The following MAP4 variants were observed in gnomAD, a reference collection of about 807,000 sequenced individuals.
The protein encoded by MAP4 is microtubule associated protein 4, also known as microtubule-associated protein 4.
In MAP4, 76 loss-of-function variants were observed where a neutral mutation model predicts 170.2. That is an observed-to-expected ratio of 0.45 (90% CI 0.37 to 0.54). The LOEUF is 0.54. Among genes scored for constraint, MAP4 ranks in the 20% least tolerant of loss-of-function variants. MAP4 has a pLI of 0.00. For synonymous variants in MAP4, 909 were observed against 994.5 expected, an observed-to-expected ratio of 0.91 and a Z score of 1.62; for missense variants, 2,506 against 2,748.0, an observed-to-expected ratio of 0.91 and a Z score of 1.97.
rs536796775 is a variant in MAP4, at chr3:47,856,056, C to A, written c.6584-696G>T. On this transcript the variant is annotated intron_variant, in intron 18 of 20. Coordinates refer to ENST00000683076, the MANE Select transcript of MAP4 (RefSeq NM_001385682.1). The stretch of plus-strand genomic sequence containing the variant: ...GGAGGGAAAGTGGTCTGAACTCACG[C>A]CCAGGGTTCAGAGCTCACTGGCCAG... 4.5e-4 allele frequency among the ~76,000 whole-genome samples: 68 copies of A among 152,280 alleles called. 1 individual carries two copies. Among genetic ancestry groups the A allele is most frequent in the Non-Finnish European group, 9.0e-4 (61 of 68,026 alleles).
chr3:48,014,988 T>C (rs1036902305), intron 1 of MAP4, among the ~76,000 whole-genome samples: 3 of 152,012 alleles, frequency 2.0e-5, no homozygotes, highest in African/African-American at 4.8e-5. Context: ...GATATAGATA[T>C]GGTATCAAAG....
intron 16 of MAP4, 30 bp from the exon 17 acceptor site, chr3:47,867,368 A>G: frequency 6.9e-7 from 1 of 1,449,588 alleles, no homozygotes; most frequent in Non-Finnish European, 9.7e-7. Flanking sequence ...AAAAAACAAC[A>G]CAAAGGGAGA....
At chr3:47,876,586 AT>A (rs1184795054) in intron 11 of MAP4, among the ~76,000 whole-genome samples, 18 of 152,066 alleles carry the variant, frequency 1.2e-4, no homozygotes, top group African/African-American at 4.1e-4. Flanking sequence ...TATTACCTGT[AT>A]TTTTTTTAAT....
chr3:47,884,457 T>C (rs569440091), intron 10 of MAP4, among the ~76,000 whole-genome samples: 14 of 152,352 alleles, frequency 9.2e-5, no homozygotes, highest in African/African-American at 3.4e-4. Flanking sequence ...TTTTGTACTT[T>C]AGCATGCAAT....
chr3:47,914,802 G>A lies in MAP4; in HGVS notation c.1999+15C>T, dbSNP rs1311033419. 1 of 1,613,782 alleles carries A rather than the reference G, an allele frequency of 6.2e-7. No homozygotes were observed. The highest frequency in any genetic ancestry group is 8.5e-7 in the Non-Finnish European group (1 of 1,179,954). On this transcript the variant is annotated intron_variant, in intron 8 of 20. Transcript: ENST00000683076. ...TAATTTGTTTCAAAGAGTTCATTTT[G>A]TTTTCCTAACTTACCTGAGGTCTCT...
In MAP4 at chr3:47,864,845, C is replaced by T. The variant is rs530449367; in HGVS notation, c.6501+2401G>A. 1.3e-3 allele frequency among the ~76,000 whole-genome samples: 204 copies of T among 152,250 alleles called. 1 individual carries two copies. Among genetic ancestry groups the T allele is most frequent in the African/African-American group, 4.8e-3 (198 of 41,552 alleles). ...TTACGCCACTGCACTCCAGGCTGGG[C>T]GACAGAGCAAGACTTTTTTTTGTAG... On this transcript the variant is annotated intron_variant, in intron 17 of 20. Transcript: ENST00000683076.
At chr3:48,066,685 T>C (rs1170670346) in intron 1 of MAP4, among the ~76,000 whole-genome samples, 14 of 152,018 alleles carry the variant, frequency 9.2e-5, no homozygotes, top group Non-Finnish European at 1.5e-5. Context: ...TCATTTTATA[T>C]ATGGGACCTT....
chr3:48,003,223 C>T (rs891732716), intron 1 of MAP4, among the ~76,000 whole-genome samples: 4 of 151,742 alleles, frequency 2.6e-5, no homozygotes, highest in African/African-American at 7.3e-5. Flanking sequence ...GGGAGGCTGA[C>T]GTAGGCAGAT....
At chr3:47,862,074 T>C (rs1460897224) in intron 17 of MAP4, among the ~76,000 whole-genome samples, 1 of 146,710 alleles carries the variant, frequency 6.8e-6, no homozygotes, top group Non-Finnish European at 1.5e-5. Flanking sequence ...GACAGGAGAA[T>C]CACTTGAATT....
intron 5 of MAP4, 76 bp downstream of exon 5, chr3:47,921,689 G>T: frequency 1.3e-6 from 1 of 777,220 alleles, no homozygotes; most frequent in Non-Finnish European, 2.3e-6. Context: ...CAGAGCCCTA[G>T]TCAGTGAACC....
intron 1 of MAP4, among the ~76,000 whole-genome samples, chr3:48,002,761 G>A (rs1398753361): frequency 1.2e-5 from 1 of 84,676 alleles, no homozygotes; most frequent in South Asian, 4.0e-4. Context: ...CATACTTGTG[G>A]TCCCAGTTAG....
At chr3:47,948,606 C>A (rs1192326211) in intron 3 of MAP4, among the ~76,000 whole-genome samples, 1 of 151,798 alleles carries the variant, frequency 6.6e-6, no homozygotes, top group Non-Finnish European at 1.5e-5. Flanking sequence ...GGGGTCAATC[C>A]ATGCTCTGGC....
chr3:48,002,977 A>ATTAAT (rs1553716102), intron 1 of MAP4, among the ~76,000 whole-genome samples: 3 of 150,954 alleles, frequency 2.0e-5, no homozygotes, highest in South Asian at 2.1e-4. Flanking sequence ...AAATAAATAA[A>ATTAAT]TAAATAAATA....
At chr3:47,874,522 C>T (rs930820779) in intron 12 of MAP4, among the ~76,000 whole-genome samples, 5 of 152,136 alleles carry the variant, frequency 3.3e-5, no homozygotes, top group African/African-American at 9.6e-5. Flanking sequence ...TAGTACACTA[C>T]ACTTCATTTA....
At chr3:47,866,753 CA>C (rs1277875432) in intron 17 of MAP4, among the ~76,000 whole-genome samples, 4 of 151,832 alleles carry the variant, frequency 2.6e-5, no homozygotes, top group Non-Finnish European at 5.9e-5. Flanking sequence ...GACTTCATCT[CA>C]AAAAAACGTG....
intron 1 of MAP4, among the ~76,000 whole-genome samples, chr3:48,007,913 C>A (rs138929434): frequency 1.1e-3 from 167 of 152,156 alleles, no homozygotes; most frequent in Non-Finnish European, 1.7e-3. Context: ...CCTTGTGATC[C>A]GCCCACCTCA....
chr3:48,076,208 A>C (rs1367046427), intron 1 of MAP4, among the ~76,000 whole-genome samples: 1 of 151,076 alleles, frequency 6.6e-6, no homozygotes, highest in African/African-American at 2.4e-5. Flanking sequence ...TAGTAAGACC[A>C]CATCTCAGCC....
intron 17 of MAP4, among the ~76,000 whole-genome samples, chr3:47,861,608 C>T (rs967338463): frequency 1.3e-5 from 2 of 151,624 alleles, no homozygotes; most frequent in Admixed American, 1.3e-4. Context: ...GCCTCAGCCT[C>T]CCAAAGTGCT....
chr3:48,051,092 CCACACACA>C (rs145028487), intron 1 of MAP4, among the ~76,000 whole-genome samples: 3 of 143,914 alleles, frequency 2.1e-5, no homozygotes, highest in African/African-American at 5.2e-5. Context: ...CATTCAATTT[CCACACACA>C]CACACACACA....
Sources: gnomAD v4.1 joint callset for allele counts (sites outside exome capture counted in the v4.1 genomes callset) on GRCh38, gnomAD v4.1.1 for gene constraint, MANE v1.5 for transcripts, NCBI Gene and HGNC (gene_info 2026-07-23, HGNC 2026-07-21) for gene names.